AGMO: variants seen among roughly 807,000 people sequenced by gnomAD.
AGMO encodes glyceryl-ether monooxygenase.
AGMO carries 75 observed loss-of-function variants against 60.2 expected under a neutral mutation model. The observed-to-expected ratio is 1.25, with a 90% CI of 1.03 to 1.51. AGMO has a LOEUF of 1.51. Among genes scored for constraint, AGMO ranks in the 40% most tolerant of loss-of-function variants. AGMO has a pLI of 0.00. For missense variants in AGMO, 763 were observed against 525.5 expected, an observed-to-expected ratio of 1.45 and a Z score of -4.42; for synonymous variants, 261 against 177.1, an observed-to-expected ratio of 1.47 and a Z score of -3.76.
chr7:15,248,222 A>C (rs189276636), intron 12 of AGMO, among the ~76,000 whole-genome samples: 1,813 of 104,126 alleles, frequency 0.017, 78 homozygotes, highest in African/African-American at 0.061. Context: ...ATATATATAT[A>C]TATCTTCATC....
chr7:15,547,593 A>G (rs1784819539), intron 2 of AGMO, among the ~76,000 whole-genome samples: 1 of 152,050 alleles, frequency 6.6e-6, no homozygotes. Flanking sequence ...CCACACGAAT[A>G]TTGCGCTTTT....
downstream of AGMO, among the ~76,000 whole-genome samples, chr7:15,198,214 A>G (rs1781171662): frequency 1.1e-5 from 1 of 94,718 alleles, no homozygotes; most frequent in Non-Finnish European, 2.0e-5. Flanking sequence ...AGAGAGAGAG[A>G]GAGAGAGAGA....
At chr7:15,181,577 A>G in the AGMO span, among the ~76,000 whole-genome samples, 1 of 152,180 alleles carries the variant, frequency 6.6e-6, no homozygotes, top group Non-Finnish European at 1.5e-5. Flanking sequence ...CTCTTAATGC[A>G]ATAGGTTTTC....
chr7:15,414,919 G>C (rs62439281), intron 5 of AGMO, among the ~76,000 whole-genome samples: 8 of 151,914 alleles, frequency 5.3e-5, no homozygotes, highest in Admixed American at 4.6e-4. Context: ...AATAAATGGG[G>C]CTATAGTGGT....
intron 3 of AGMO, among the ~76,000 whole-genome samples, chr7:15,494,440 C>T (rs1783166216): frequency 6.6e-6 from 1 of 152,092 alleles, no homozygotes; most frequent in African/African-American, 2.4e-5. Flanking sequence ...TTAAGATATG[C>T]AATTATAGTA....
At chr7:15,429,686 AG>A (rs1396833691) in intron 4 of AGMO, among the ~76,000 whole-genome samples, 1 of 152,028 alleles carries the variant, frequency 6.6e-6, no homozygotes, top group Non-Finnish European at 1.5e-5. Context: ...GATCCATTCC[AG>A]GAAATGTATT....
intron 12 of AGMO, among the ~76,000 whole-genome samples, chr7:15,211,748 T>C (rs1347050610): frequency 6.6e-6 from 1 of 152,072 alleles, no homozygotes; most frequent in Non-Finnish European, 1.5e-5. Flanking sequence ...TAAAACTATG[T>C]CCAAAATAAT....
rs547584766 is a variant in AGMO, at chr7:15,561,623, T to G, written c.126+97A>C. 6.2e-6 allele frequency: 7 copies of G among 1,132,840 alleles called. No individual in the cohort carries two copies. The Admixed American group carries it at 8.4e-5, about 14-fold the overall frequency. 70.2% of individuals were successfully genotyped at this position (1,132,840 alleles called of 1,614,324 possible). On this transcript the variant is annotated intron_variant, in intron 1 of 12. Coordinates refer to ENST00000342526, the MANE Select transcript of AGMO (RefSeq NM_001004320.2). ...TTATTATTATTAGAATGTAATCATTTGAATAATGAAAGTGAACAAAACCCT... is the reference window on the plus strand; with the variant it reads ...TTATTATTATTAGAATGTAATCATTGGAATAATGAAAGTGAACAAAACCCT...
chr7:15,528,090 C>T (rs1000948736), intron 3 of AGMO, among the ~76,000 whole-genome samples: 1 of 152,074 alleles, frequency 6.6e-6, no homozygotes. Flanking sequence ...AACTTTCCAG[C>T]CTTACTATTT....
rs553579808 is a variant in AGMO at position 15,256,300 on chromosome 7, C to T, written c.1264-54941G>A. On this transcript the variant is annotated intron_variant, in intron 12 of 12. Coordinates refer to ENST00000342526, the MANE Select transcript of AGMO (RefSeq NM_001004320.2). The stretch of plus-strand genomic sequence containing the variant: ...TTCAGTCAATAACAAACCACATATA[C>T]GGTGGTGGTCCAATAAATTGTAACA... 7.2e-5 allele frequency among the ~76,000 whole-genome samples: 11 copies of T among 152,304 alleles called. No individual in the cohort carries two copies. In the South Asian group the frequency reaches 8.3e-4, roughly 11 times the overall value.
At chr7:15,497,693 T>A (rs1005736201) in intron 3 of AGMO, among the ~76,000 whole-genome samples, 1 of 152,088 alleles carries the variant, frequency 6.6e-6, no homozygotes. Flanking sequence ...TAAAATCATA[T>A]ATTTATTATT....
intron 5 of AGMO, among the ~76,000 whole-genome samples, chr7:15,409,798 G>A (rs545631942): frequency 3.3e-5 from 5 of 151,874 alleles, no homozygotes; most frequent in Admixed American, 1.3e-4. Flanking sequence ...TAGTAGATTA[G>A]AGCAAAGAAT....
intron 12 of AGMO, among the ~76,000 whole-genome samples, chr7:15,252,761 T>G (rs1262669814): frequency 6.6e-6 from 1 of 152,316 alleles, no homozygotes; most frequent in Non-Finnish European, 1.5e-5. Context: ...CTGGAACTGT[T>G]GCATGGACTG....
At chr7:15,231,559 G>C (rs922832334) in intron 12 of AGMO, among the ~76,000 whole-genome samples, 9 of 152,178 alleles carry the variant, frequency 5.9e-5, no homozygotes, top group Non-Finnish European at 1.2e-4. Flanking sequence ...CACCATTTGA[G>C]AAAGCATGTG....
intron 12 of AGMO, among the ~76,000 whole-genome samples, chr7:15,326,765 T>C (rs1031798754): frequency 2.6e-5 from 4 of 152,196 alleles, no homozygotes; most frequent in Admixed American, 2.6e-4. Context: ...CCATTCATTT[T>C]GTTTCATCTT....
the AGMO span, among the ~76,000 whole-genome samples, chr7:15,124,590 C>T: frequency 6.6e-6 from 1 of 152,082 alleles, no homozygotes; most frequent in Non-Finnish European, 1.5e-5. Flanking sequence ...GACATACTCT[C>T]CCAGTCTTCT....
intron 12 of AGMO, among the ~76,000 whole-genome samples, chr7:15,352,752 A>G (rs1455371207): frequency 6.6e-6 from 1 of 151,664 alleles, no homozygotes; most frequent in African/African-American, 2.4e-5. Flanking sequence ...TTTCTCAGCG[A>G]CAGGATTCTC....
At position 15,354,379 on chromosome 7, in the gene AGMO, T is replaced by TATAGACGTGTGTAC. The variant is rs1186632664; in HGVS notation, c.1263+11134_1263+11135insGTACACACGTCTAT. On this transcript the variant is annotated intron_variant, in intron 12 of 12. Transcript: ENST00000342526. Reference sequence around the variant, plus strand: ...AGACGTGTGTATATAGACGTGTGTATACACGTGTGTGTATACACGTGTGTG... The same window carrying TATAGACGTGTGTAC: ...AGACGTGTGTATATAGACGTGTGTATATAGACGTGTGTACACACGTGTGTGTATACACGTGTGTG... Among the ~76,000 whole-genome samples the TATAGACGTGTGTAC allele has an allele frequency of 2.9e-3, 159 of 54,320 alleles. 25 individuals carry two copies. The highest frequency in any genetic ancestry group is 0.018 in the African/African-American group (139 of 7,670). The allele number at this position is 54,320 out of a possible 152,430, so 35.6% of individuals were successfully genotyped here.
chr7:15,145,884 G>A, the AGMO span, among the ~76,000 whole-genome samples: 1 of 152,156 alleles, frequency 6.6e-6, no homozygotes, highest in South Asian at 2.1e-4. Context: ...CAAATGTTTG[G>A]TATAGTATGT....
Sources: allele counts gnomAD v4.1 joint callset (sites outside exome capture counted in the v4.1 genomes callset), GRCh38; gene constraint gnomAD v4.1.1; transcripts MANE v1.5; gene names NCBI Gene and HGNC (gene_info 2026-07-23, HGNC 2026-07-21).